Variants in ZNF219 observed in about 807,000 individuals in gnomAD.
The protein encoded by ZNF219 is zinc finger protein 219.
In ZNF219, 17 loss-of-function variants were observed where a neutral mutation model predicts 54.4. That is an observed-to-expected ratio of 0.31 (90% CI 0.21 to 0.47). The LOEUF (loss-of-function observed/expected upper bound fraction) is 0.47, where lower values mean the gene tolerates loss of function less well. ZNF219 is among the 20% of genes least tolerant of loss of function. ZNF219 has a pLI of 1.00. For synonymous variants in ZNF219, 518 were observed against 476.4 expected, an observed-to-expected ratio of 1.09 and a Z score of -1.14; for missense variants, 1,014 against 1,062.3, an observed-to-expected ratio of 0.95 and a Z score of 0.63.
At position 21,093,276 on chromosome 14, in the gene ZNF219, G is replaced by A. The variant is rs1245557145; in HGVS notation, c.21C>T (p.Arg7=). MEGSRP[R]APSGHLAPSP... ...ACGGCGCTAAGTGGCCGCTCGGGGC[G>A]CGGGGACGTGAGCCCTGTGGAGAAA... Residue 7 remains arginine (R), a synonymous_variant, in exon 3 of 5, where the codon CGC becomes CGT. Coordinates refer to ENST00000360947, the MANE Select transcript of ZNF219 (RefSeq NM_016423.3). 2 of 1,586,158 alleles carry A rather than the reference G, an allele frequency of 1.3e-6. No homozygotes were observed. The highest frequency in any genetic ancestry group is 1.7e-6 in the Non-Finnish European group (2 of 1,173,650).
chr14:21,093,394 T>C, intron 2 of ZNF219, 104 bp from the exon 3 acceptor site: 1 of 1,489,646 alleles, frequency 6.7e-7, no homozygotes, highest in Non-Finnish European at 9.0e-7. Flanking sequence ...GAAGGTGGGC[T>C]GGGGCCTGAA....
rs754367697 is a variant in ZNF219 at position 21,092,995 on chromosome 14, C to T, written c.302G>A (p.Arg101His). 23 of 1,597,512 alleles carry T rather than the reference C, an allele frequency of 1.4e-5. 1 individual carries two copies. The South Asian group carries it at 2.2e-4, about 15-fold the overall frequency. The part of the protein sequence containing the change: ...GHRAAQRALL[R>H]SHLRTHQPER... ...GGGCTGGTGTGTGCGCAGGTGCGAGCGCAGCAGAGCCCGCTGCGCCGCGCG... is the reference window on the plus strand; with the variant it reads ...GGGCTGGTGTGTGCGCAGGTGCGAGTGCAGCAGAGCCCGCTGCGCCGCGCG... The change falls in exon 3 of 5, where the codon CGC becomes CAC. Residue 101 changes from arginine (R) to histidine (H), a missense_variant. Around this residue, in one of 5 missense-constraint regions of ZNF219, gnomAD observed 395 missense variants for 415.1 expected, o/e 0.95. Transcript: ENST00000360947.
Position 21,093,249 on chromosome 14 carries a change from C to T in ZNF219, c.48G>A (p.Ser16=), listed in dbSNP as rs372460053. Residue 16 remains serine, a synonymous_variant, in exon 3 of 5, where the codon TCG becomes TCA. Transcript: ENST00000360947. ...CCAGCTCGCCGTCGAAAGCCGGCGGCGACGGCGCTAAGTGGCCGCTCGGGG... is the reference window on the plus strand; with the variant it reads ...CCAGCTCGCCGTCGAAAGCCGGCGGTGACGGCGCTAAGTGGCCGCTCGGGG... ...PRAPSGHLAP[S]PPAFDGELDL... The T allele has an allele frequency of 4.9e-5, 79 of 1,598,000 alleles. No individual in the cohort carries two copies. The African/African-American group carries it at 9.8e-4, about 20-fold the overall frequency.
chr14:21,095,835 G>T (rs762331382), intron 1 of ZNF219, among the ~76,000 whole-genome samples: 2 of 152,134 alleles, frequency 1.3e-5, no homozygotes, highest in Admixed American at 6.6e-5. Context: ...AATAGAAAGA[G>T]CTAATAGAAA....
chr14:21,098,947 G>C (rs1222321970), upstream of ZNF219: 2 of 912,852 alleles, frequency 2.2e-6, no homozygotes, highest in Non-Finnish European at 2.9e-6. Context: ...GGCGATTATA[G>C]AGATAGTTAA....
At chr14:21,094,691 A>C (rs1351731681) in intron 1 of ZNF219, among the ~76,000 whole-genome samples, 2 of 114,602 alleles carry the variant, frequency 1.7e-5, no homozygotes, top group African/African-American at 6.8e-5. Context: ...AGTGCTGGGG[A>C]AGGAGAAGAT....
At chr14:21,103,453 C>T, upstream of ZNF219, 2 of 872,396 alleles carry the variant, frequency 2.3e-6, no homozygotes, top group Non-Finnish European at 1.7e-6. Context: ...TGAAAAGCTG[C>T]TTTCTCCCTT....
rs1473111367 is a variant in ZNF219, at chr14:21,092,391, A to G, written c.906T>C (p.His302=). 3.2e-6 allele frequency: 5 copies of G among 1,572,642 alleles called. No homozygotes were observed. The highest frequency in any genetic ancestry group is 2.7e-5 in the African/African-American group (2 of 73,964). The part of the protein sequence containing the change: ...HMRKHKASFD[H]ACPVCGRCFK... Reference sequence around the variant, plus strand: ...AGCAGCGGCCGCACACCGGACACGCATGATCGAAGGAGGCCTTGTGCTTAC... The same window carrying G: ...AGCAGCGGCCGCACACCGGACACGCGTGATCGAAGGAGGCCTTGTGCTTAC... The change falls in exon 3 of 5, where the codon CAT becomes CAC. Residue 302 remains histidine (H), a synonymous_variant. Transcript: ENST00000360947.
chr14:21,102,645 C>T (rs1485093599), upstream of ZNF219: 1 of 1,551,438 alleles, frequency 6.4e-7, no homozygotes, highest in Non-Finnish European at 8.7e-7. Flanking sequence ...TGCTGGCTTG[C>T]TGGTGCTGGA....
intron 1 of ZNF219, chr14:21,093,891 A>C: frequency 1.9e-6 from 1 of 523,920 alleles, no homozygotes; most frequent in Non-Finnish European, 3.4e-6. Flanking sequence ...TCTTCCCCAA[A>C]TTCTATATTT....
upstream of ZNF219, chr14:21,098,861 C>G (rs771701955): frequency 4.7e-5 from 61 of 1,285,876 alleles, no homozygotes; most frequent in Non-Finnish European, 3.7e-5. Flanking sequence ...TGCACAGACT[C>G]GGGAAGTTCT....
upstream of ZNF219, chr14:21,102,843 T>A: frequency 1.3e-6 from 2 of 1,520,578 alleles, no homozygotes; most frequent in Admixed American, 4.1e-5. Context: ...CTGCCTATCC[T>A]GGTCAGTGGC....
At chr14:21,093,913 T>C (rs1049903479) in intron 1 of ZNF219, 1 of 468,954 alleles carries the variant, frequency 2.1e-6, no homozygotes, top group African/African-American at 2.0e-5. Flanking sequence ...AAATGCATGG[T>C]CCAGAACAAC....
chr14:21,090,950 C>T lies in ZNF219; in HGVS notation c.1755G>A (p.Ala585=), dbSNP rs1594592794. The T allele has an allele frequency of 6.5e-7, 1 of 1,549,024 alleles. No individual in the cohort carries two copies. The highest frequency in any genetic ancestry group is 8.7e-7 in the Non-Finnish European group (1 of 1,152,908). The change falls in exon 5 of 5, where the codon GCG becomes GCA. Residue 585 remains alanine, a synonymous_variant. Coordinates refer to ENST00000360947, the MANE Select transcript of ZNF219 (RefSeq NM_016423.3). The surrounding 1 kb of genome is among the most constrained non-coding windows in gnomAD (Gnocchi z 4.4). The part of the protein sequence containing the change: ...QSGAKPSPQP[A]TWVEGASSPR... ...GACTTGAGGCGCCCTCCACCCAGGT[C>T]GCAGGCTGCGGAGACGGCTTGGCTC...
At chr14:21,102,542 G>C (rs768832501), upstream of ZNF219, 422 of 1,551,634 alleles carry the variant, frequency 2.7e-4, no homozygotes, top group Non-Finnish European at 3.6e-4. Flanking sequence ...GAGAAGGTGG[G>C]AGGATAAGGA....
Position 21,090,996 on chromosome 14 carries a change from C to G in ZNF219, c.1709G>C (p.Arg570Pro), listed in dbSNP as rs867183550. The G allele has an allele frequency of 1.3e-6, 2 of 1,551,336 alleles. No homozygotes were observed. Among genetic ancestry groups the G allele is most frequent in the Non-Finnish European group, 1.7e-6 (2 of 1,155,284 alleles). ...GGCTCCAGATTGCGGGGCCGAACCC[C>G]GCTGGGAAGGAGGCGGTGGCTCCGG... is the stretch of plus-strand genomic sequence containing the variant. The part of the protein sequence containing the change: ...PPPEPPPPSQ[R>P]GSAPQSGAKP... The change falls in exon 5 of 5, where the codon CGG (arginine) becomes CCG (proline). Residue 570 changes from arginine to proline, a missense_variant. Arg to Pro is a moderately radical substitution (Grantham distance 103, BLOSUM62 -2). Transcript: ENST00000360947. This position sits in a 1 kb window ranked among gnomAD's most constrained non-coding sequence, Gnocchi z 4.4.
At chr14:21,101,877 T>C (rs901389905), upstream of ZNF219, 1 of 1,551,544 alleles carries the variant, frequency 6.4e-7, no homozygotes, top group South Asian at 1.2e-5. Context: ...GAGCCAGCTA[T>C]GGCTGGCAGT....
chr14:21,096,700 G>A (rs66995536), intron 1 of ZNF219, among the ~76,000 whole-genome samples: 29,150 of 152,194 alleles, frequency 0.19, 3,169 homozygotes, highest in Admixed American at 0.3. Flanking sequence ...TTCAAAAGCA[G>A]TAGGCCAATT....
chr14:21,092,605 TGAGGCTGAGGCG>T lies in ZNF219; in HGVS notation c.680_691del (p.Pro227_Pro230del). ...TTCGGGCTGGGGTGGAGGCTGAGGC[TGAGGCTGAGGCG>T]GAGGCGCAGCGGAGGTGGCCGCCAG... On this transcript the variant is annotated inframe_deletion, in exon 3 of 5. Transcript: ENST00000360947. 6.5e-7 allele frequency: 1 copy of T among 1,549,524 alleles called. No individual in the cohort carries two copies. Among genetic ancestry groups the T allele is most frequent in the Non-Finnish European group, 8.7e-7 (1 of 1,148,742 alleles).
Sources: gnomAD v4.1 joint callset for allele counts (sites outside exome capture counted in the v4.1 genomes callset) on GRCh38, gnomAD v4.1.1 for gene constraint, gnomAD v4.1.1 regional missense constraint, Gnocchi (gnomAD v3.1) non-coding constraint, MANE v1.5 for transcripts, NCBI Gene and HGNC (gene_info 2026-07-23, HGNC 2026-07-21) for gene names.